GRIA1: variants seen among roughly 807,000 people sequenced by gnomAD.
GRIA1 encodes glutamate receptor 1.
A neutral mutation model predicts 99.2 loss-of-function variants in GRIA1; 31 were observed. The ratio of observed to expected loss-of-function variants is 0.31; its 90% CI spans 0.23 to 0.42. GRIA1 has a LOEUF of 0.42. GRIA1 is among the 10% of genes least tolerant of loss of function. GRIA1 has a pLI of 1.00. For missense variants in GRIA1, 782 were observed against 1,157.5 expected, an observed-to-expected ratio of 0.68 and a Z score of 4.71; for synonymous variants, 438 against 432.4, an observed-to-expected ratio of 1.01 and a Z score of -0.16.
In GRIA1 at chr5:153,644,538, T is replaced by A. The variant is rs73278104; in HGVS notation, c.221-2390T>A. On this transcript the variant is annotated intron_variant, in intron 2 of 15. Coordinates refer to ENST00000285900, the MANE Select transcript of GRIA1 (RefSeq NM_000827.4). ...ATCTACCATGTCCCAGACACTCTGCTGGCTTTTGGGCACAAAGAAGCATGT... is the reference window on the plus strand; with the variant it reads ...ATCTACCATGTCCCAGACACTCTGCAGGCTTTTGGGCACAAAGAAGCATGT... 9.7e-3 allele frequency among the ~76,000 whole-genome samples: 1,482 copies of A among 152,312 alleles called. 18 individuals carry two copies. The highest frequency in any genetic ancestry group is 0.033 in the African/African-American group (1,387 of 41,574).
intron 2 of GRIA1, among the ~76,000 whole-genome samples, chr5:153,588,942 A>G (rs942452661): frequency 2.0e-5 from 3 of 152,226 alleles, no homozygotes; most frequent in African/African-American, 7.2e-5. Context: ...TGCATGAAGC[A>G]TGCTTTTAAT....
At chr5:153,517,937 A>AACCTTACCTCTTGCCCCTCTCTC (rs1756780836) in intron 2 of GRIA1, among the ~76,000 whole-genome samples, 1 of 152,122 alleles carries the variant, frequency 6.6e-6, no homozygotes. Flanking sequence ...GTCCCTCCCT[A>AACCTTACCTCTTGCCCCTCTCTC]ACCTTACCTC....
intron 2 of GRIA1, among the ~76,000 whole-genome samples, chr5:153,535,873 C>T (rs1397173483): frequency 1.3e-5 from 2 of 152,216 alleles, no homozygotes; most frequent in Non-Finnish European, 2.9e-5. Flanking sequence ...GGAGCTGTTA[C>T]CTCTACTGTC....
At chr5:153,495,350 T>C (rs1396770733) in intron 2 of GRIA1, among the ~76,000 whole-genome samples, 1 of 152,170 alleles carries the variant, frequency 6.6e-6, no homozygotes, top group Non-Finnish European at 1.5e-5. Flanking sequence ...TTATCTTCCT[T>C]TTAGAGATGA....
intron 2 of GRIA1, among the ~76,000 whole-genome samples, chr5:153,614,806 C>T (rs1766323770): frequency 6.6e-6 from 1 of 152,130 alleles, no homozygotes. Context: ...TCATTTATTG[C>T]TGATAAGAAC....
At chr5:153,640,253 G>T (rs1458941131) in intron 2 of GRIA1, among the ~76,000 whole-genome samples, 1 of 152,180 alleles carries the variant, frequency 6.6e-6, no homozygotes, top group Non-Finnish European at 1.5e-5. Context: ...ACACAAATAT[G>T]ACCTGGGAGG....
At chr5:153,650,896 T>TCAAAAAAAAAAAAA (rs1754519705) in intron 4 of GRIA1, among the ~76,000 whole-genome samples, 1 of 70,130 alleles carries the variant, frequency 1.4e-5, no homozygotes, top group Non-Finnish European at 2.9e-5. Context: ...CTGTCTCCAC[T>TCAAAAAAAAAAAAA]AAAAAAAAAA....
chr5:153,695,420 G>C (rs4336406), intron 8 of GRIA1, among the ~76,000 whole-genome samples: 55,563 of 151,994 alleles, frequency 0.37, 10,704 homozygotes, highest in South Asian at 0.45. Context: ...GCAGAGCTGA[G>C]CATTAGAGCA....
chr5:153,631,436 A>G (rs1752957126), intron 2 of GRIA1, among the ~76,000 whole-genome samples: 1 of 152,194 alleles, frequency 6.6e-6, no homozygotes, highest in African/African-American at 2.4e-5. Flanking sequence ...CTGTGTTTTT[A>G]TTATACTTGG....
In GRIA1 at chr5:153,524,058, T is replaced by G. The variant is rs576386895; in HGVS notation, c.220+29993T>G. On this transcript the variant is annotated intron_variant, in intron 2 of 15. Coordinates refer to ENST00000285900, the MANE Select transcript of GRIA1 (RefSeq NM_000827.4). ...ATTCCTGGCACAGGGCCAGGCGCAG[T>G]GGCTCACGCCTGTAATCCCAGCACT... is the stretch of plus-strand genomic sequence containing the variant. 3.3e-4 allele frequency among the ~76,000 whole-genome samples: 51 copies of G among 152,358 alleles called. No individual in the cohort carries two copies. The South Asian group carries it at 0.01, about 30-fold the overall frequency.
chr5:153,634,617 C>T (rs1387420475), intron 2 of GRIA1, among the ~76,000 whole-genome samples: 2 of 152,088 alleles, frequency 1.3e-5, no homozygotes, highest in East Asian at 1.9e-4. Context: ...TTCAAAGTGC[C>T]CTTATTGGCA....
chr5:153,554,608 C>G (rs1760453129), intron 2 of GRIA1, among the ~76,000 whole-genome samples: 1 of 152,192 alleles, frequency 6.6e-6, no homozygotes. Context: ...ATTCTCCTGC[C>G]TCAGCCTCCC....
At chr5:153,645,477 T>C (rs1351388976) in intron 2 of GRIA1, among the ~76,000 whole-genome samples, 1 of 152,166 alleles carries the variant, frequency 6.6e-6, no homozygotes, top group Admixed American at 6.5e-5. Flanking sequence ...TTCAAAAGTA[T>C]TCACCAAAAA....
intron 15 of GRIA1, among the ~76,000 whole-genome samples, chr5:153,806,493 C>T (rs1389010368): frequency 1.3e-5 from 2 of 152,174 alleles, no homozygotes; most frequent in Non-Finnish European, 2.9e-5. Flanking sequence ...TCTCGATCTC[C>T]TGACTTCGTG....
At chr5:153,489,872 G>A (rs568759000), upstream of GRIA1, 43 of 456,454 alleles carry the variant, frequency 9.4e-5, no homozygotes, top group South Asian at 3.7e-4. Context: ...ACACCCACAC[G>A]ATTCTGATGC....
chr5:153,775,243 C>T (rs1332696796), intron 13 of GRIA1, among the ~76,000 whole-genome samples: 2 of 152,236 alleles, frequency 1.3e-5, no homozygotes, highest in South Asian at 4.1e-4. Flanking sequence ...GTTTTATCAA[C>T]CTAAGAAAGA....
intron 1 of GRIA1, among the ~76,000 whole-genome samples, chr5:153,492,752 G>T (rs796589440): frequency 9.9e-5 from 15 of 151,952 alleles, no homozygotes; most frequent in African/African-American, 2.7e-4. Flanking sequence ...GCCCTAACTT[G>T]GTTGTTCAAC....
At chr5:153,561,180 G>A (rs1325310116) in intron 2 of GRIA1, among the ~76,000 whole-genome samples, 1 of 152,176 alleles carries the variant, frequency 6.6e-6, no homozygotes, top group Non-Finnish European at 1.5e-5. Context: ...AGCTTTTCTA[G>A]TCGGGGGTCA....
chr5:153,528,765 A>G (rs1306390857), intron 2 of GRIA1, among the ~76,000 whole-genome samples: 1 of 152,192 alleles, frequency 6.6e-6, no homozygotes, highest in African/African-American at 2.4e-5. Flanking sequence ...CATCCAGAAA[A>G]TAAGGCATTC....
Sources: gnomAD v4.1 joint callset for allele counts (sites outside exome capture counted in the v4.1 genomes callset) on GRCh38, gnomAD v4.1.1 for gene constraint, MANE v1.5 for transcripts, NCBI Gene and HGNC (gene_info 2026-07-23, HGNC 2026-07-21) for gene names.